The following ADCY9 variants were observed in gnomAD, a reference collection of about 807,000 sequenced individuals.
ADCY9 encodes the protein adenylate cyclase 9.
Under a neutral mutation model 101.5 loss-of-function variants are expected in ADCY9, and 50 were observed. That is an observed-to-expected ratio of 0.49 (90% CI 0.39 to 0.62). The LOEUF (loss-of-function observed/expected upper bound fraction) is 0.62, where lower values mean the gene tolerates loss of function less well. Ranked by LOEUF, ADCY9 falls within the 20% of genes least tolerant of loss-of-function variation. The pLI, the probability that ADCY9 is intolerant of heterozygous loss-of-function variation, is 0.00. For synonymous variants in ADCY9, 905 were observed against 769.3 expected (o/e 1.18, Z -2.92); for missense variants, 1,662 against 1,800.4 (o/e 0.92, Z 1.39).
Position 3,965,807 on chromosome 16 carries a change from G to A in ADCY9, c.4030C>T (p.Leu1344Phe). The A allele has an allele frequency of 6.2e-7, 1 of 1,613,882 alleles. No homozygotes were observed. The change falls in exon 11 of 11, where the codon CTC (leucine) becomes TTC (phenylalanine). Residue 1344 changes from leucine to phenylalanine, a missense_variant. Coordinates refer to ENST00000294016, the MANE Select transcript of ADCY9 (RefSeq NM_001116.4). ...DETGIEEANE[L>F]TKLNVSKSV ...CTCTTTGAAACGTTGAGCTTGGTGA[G>A]TTCGTTGGCTTCTTCTATTCCTGTT...
intron 8 of ADCY9, among the ~76,000 whole-genome samples, chr16:3,978,743 G>A (rs371940266): frequency 1.0e-3 from 153 of 152,170 alleles, no homozygotes; most frequent in Non-Finnish European, 1.5e-3. Context: ...ATTTTGTGAC[G>A]CAGTCTCGCT....
At chr16:4,104,943 C>T (rs2057066488) in intron 2 of ADCY9, among the ~76,000 whole-genome samples, 1 of 152,030 alleles carries the variant, frequency 6.6e-6, no homozygotes, top group African/African-American at 2.4e-5. Flanking sequence ...GTGGTGCGTG[C>T]CTGTAATCCC....
At position 4,086,256 on chromosome 16, in the gene ADCY9, A is replaced by G. The variant is rs527418149; in HGVS notation, c.1693+27494T>C. Among the ~76,000 whole-genome samples, 5 of 152,220 alleles carry G rather than the reference A, an allele frequency of 3.3e-5. No individual in the cohort carries two copies. In the East Asian group the frequency reaches 7.7e-4, roughly 24 times the overall value. On this transcript the variant is annotated intron_variant, in intron 2 of 10. Coordinates refer to ENST00000294016, the MANE Select transcript of ADCY9 (RefSeq NM_001116.4). ...AGGGCAACACAGGAGGAGAAGAGAC[A>G]GGGAAACCGCCTCTCCGGTGCCTTC...
At chr16:4,106,379 C>A (rs1440235617) in intron 2 of ADCY9, among the ~76,000 whole-genome samples, 4 of 152,200 alleles carry the variant, frequency 2.6e-5, no homozygotes, top group Admixed American at 2.6e-4. Flanking sequence ...CCCTCTGATG[C>A]AGCCCAGTCC....
At chr16:4,040,563 C>T (rs1415514212) in intron 2 of ADCY9, among the ~76,000 whole-genome samples, 2 of 151,590 alleles carry the variant, frequency 1.3e-5, no homozygotes, top group Non-Finnish European at 1.5e-5. Flanking sequence ...TTCATGCGAT[C>T]CTCCCACTTC....
intron 5 of ADCY9, among the ~76,000 whole-genome samples, chr16:3,991,703 G>A (rs909928729): frequency 6.7e-6 from 1 of 148,630 alleles, no homozygotes; most frequent in Non-Finnish European, 1.5e-5. Context: ...GGAGGTTGCA[G>A]TGAGCCGAGA....
rs1253600713 is a variant in ADCY9 at position 3,964,392 on chromosome 16, A to T, written c.*1383T>A. 2.0e-5 allele frequency: 3 copies of T among 151,838 alleles called. No individual in the cohort carries two copies. The highest frequency in any genetic ancestry group is 2.0e-4 in the Admixed American group (3 of 15,230). 9.4% of individuals were successfully genotyped at this position (151,838 alleles called of 1,614,324 possible). A position where few individuals can be genotyped will look rare whatever the true frequency, so the allele number is the denominator to read the frequency against. On this transcript the variant is annotated 3_prime_UTR_variant, in exon 11 of 11. Transcript: ENST00000294016. ...TGCCCGGACGGAGCTCCCCCACACC[A>T]CCCTCGGGATTCCGCCCCTAACAAA...
chr16:4,108,519 G>T (rs138965621), intron 2 of ADCY9, among the ~76,000 whole-genome samples: 1 of 149,928 alleles, frequency 6.7e-6, no homozygotes, highest in Admixed American at 6.7e-5. Context: ...GACTAAAGGC[G>T]CCTGCGACCA....
At chr16:4,012,964 GAAC>G (rs942453371) in intron 2 of ADCY9, among the ~76,000 whole-genome samples, 1 of 152,008 alleles carries the variant, frequency 6.6e-6, no homozygotes, top group African/African-American at 2.4e-5. Context: ...AACAGAAAGA[GAAC>G]AACAGCGAGG....
At chr16:4,073,294 C>T (rs1408179392) in intron 2 of ADCY9, among the ~76,000 whole-genome samples, 1 of 151,956 alleles carries the variant, frequency 6.6e-6, no homozygotes, top group Non-Finnish European at 1.5e-5. Context: ...GCCTTGTCAG[C>T]CAGGCAGGTC....
At chr16:4,066,552 A>C (rs572842588) in intron 2 of ADCY9, among the ~76,000 whole-genome samples, 8 of 152,042 alleles carry the variant, frequency 5.3e-5, no homozygotes, top group Non-Finnish European at 1.2e-4. Flanking sequence ...ACACCCAGCT[A>C]ATGTTTTTAT....
intron 3 of ADCY9, among the ~76,000 whole-genome samples, chr16:4,003,712 G>A (rs934734517): frequency 5.9e-5 from 9 of 151,958 alleles, no homozygotes; most frequent in African/African-American, 2.2e-4. Context: ...CTACAGGCAT[G>A]AGCCACTGCA....
In ADCY9 at chr16:4,027,675, G is replaced by A. The variant is rs555621663; in HGVS notation, c.1694-20117C>T. Among the ~76,000 whole-genome samples, 29 of 152,232 alleles carry A rather than the reference G, an allele frequency of 1.9e-4. No individual in the cohort carries two copies. The South Asian group carries it at 3.9e-3, about 21-fold the overall frequency. On this transcript the variant is annotated intron_variant, in intron 2 of 10. Coordinates refer to ENST00000294016, the MANE Select transcript of ADCY9 (RefSeq NM_001116.4). The stretch of plus-strand genomic sequence containing the variant: ...GCATATCACCTGAGCTCAAGAGTTC[G>A]AGACCAGCCTGGCCAACATGGTGAA...
At chr16:4,087,178 C>T (rs77098762) in intron 2 of ADCY9, among the ~76,000 whole-genome samples, 4,500 of 152,018 alleles carry the variant, frequency 0.03, 216 homozygotes, top group African/African-American at 0.1. Context: ...AGGGAGTTTC[C>T]TCTTTTATGG....
At chr16:4,046,651 C>A (rs993334108) in intron 2 of ADCY9, among the ~76,000 whole-genome samples, 2 of 152,068 alleles carry the variant, frequency 1.3e-5, no homozygotes, top group East Asian at 1.9e-4. Context: ...TATCAGAGTT[C>A]TGAAGAAAAT....
At chr16:4,110,938 G>T (rs1030462664) in intron 2 of ADCY9, among the ~76,000 whole-genome samples, 2 of 152,284 alleles carry the variant, frequency 1.3e-5, no homozygotes, top group East Asian at 3.9e-4. Context: ...CCCGCCTCTG[G>T]AGTCGAGTCC....
chr16:3,954,251 T>A (rs2055896092), intron 5 of ADCY9, among the ~76,000 whole-genome samples: 1 of 152,016 alleles, frequency 6.6e-6, no homozygotes, highest in African/African-American at 2.4e-5. Flanking sequence ...AGACACTGGG[T>A]CCTGGTGAAC....
chr16:4,050,264 C>T (rs2056692249), intron 2 of ADCY9, among the ~76,000 whole-genome samples: 1 of 152,102 alleles, frequency 6.6e-6, no homozygotes, highest in South Asian at 2.1e-4. Flanking sequence ...TGAAACAAAC[C>T]ATTTGACTTG....
rs189375563 is a variant in ADCY9, at chr16:4,061,451, A to G, written c.1693+52299T>C. Among the ~76,000 whole-genome samples the G allele has an allele frequency of 1.5e-3, 232 of 152,290 alleles. 1 individual carries two copies. Among genetic ancestry groups the G allele is most frequent in the African/African-American group, 5.3e-3 (220 of 41,578 alleles). On this transcript the variant is annotated intron_variant, in intron 2 of 10. Coordinates refer to ENST00000294016, the MANE Select transcript of ADCY9 (RefSeq NM_001116.4). ...GCTGGAAGCCAAAAACAAAGAGAAA[A>G]TCTTGACTGCATGAAGACAAAATGG...
Sources: gnomAD v4.1 joint callset for allele counts (sites outside exome capture counted in the v4.1 genomes callset) on GRCh38, gnomAD v4.1.1 for gene constraint, MANE v1.5 for transcripts, NCBI Gene and HGNC (gene_info 2026-07-23, HGNC 2026-07-21) for gene names.